PEX5L: variants seen among roughly 807,000 people sequenced by gnomAD.
PEX5L encodes PEX5-related protein.
In PEX5L, 30 loss-of-function variants were observed where a neutral mutation model predicts 84.0. That is an observed-to-expected ratio of 0.36 (90% CI 0.27 to 0.48). The LOEUF (loss-of-function observed/expected upper bound fraction) is 0.48, where lower values mean the gene tolerates loss of function less well. Ranked by LOEUF, PEX5L falls within the 20% of genes least tolerant of loss-of-function variation. The pLI is 0.99. For synonymous variants in PEX5L, 270 were observed against 283.1 expected (o/e 0.95, Z 0.46); for missense variants, 533 against 754.6 (o/e 0.71, Z 3.44).
intron 1 of PEX5L, among the ~76,000 whole-genome samples, chr3:180,032,468 T>C (rs1791547717): frequency 6.6e-6 from 1 of 152,198 alleles, no homozygotes; most frequent in Non-Finnish European, 1.5e-5. Flanking sequence ...AATGTGTGTA[T>C]GTGTGTGCGT....
At position 179,819,926 on chromosome 3, in the gene PEX5L, A is replaced by G. The variant is rs1727798409; in HGVS notation, c.873T>C (p.Ala291=). The part of the protein sequence containing the change: ...DKMQAEWEEM[A]RRNWISENQE... ...GGTTCTCAGATATCCAGTTCCTCCG[A>G]GCCATTTCTTCCCATTCTGCTTGCA... The change falls in exon 9 of 15, where the codon GCT becomes GCC. Residue 291 remains alanine, a synonymous_variant. Coordinates refer to ENST00000467460, the MANE Select transcript of PEX5L (RefSeq NM_016559.3). 1 of 1,613,964 alleles carries G rather than the reference A, an allele frequency of 6.2e-7. No individual in the cohort carries two copies. Among genetic ancestry groups the G allele is most frequent in the South Asian group, 1.1e-5 (1 of 91,076 alleles).
chr3:179,972,017 T>C (rs1268999634), intron 1 of PEX5L, among the ~76,000 whole-genome samples: 6 of 152,146 alleles, frequency 3.9e-5, no homozygotes, highest in Non-Finnish European at 5.9e-5. Flanking sequence ...TTCTTAAAGA[T>C]TGAAAGTTCA....
intron 1 of PEX5L, among the ~76,000 whole-genome samples, chr3:179,979,811 T>C (rs76607347): frequency 0.03 from 4,551 of 152,320 alleles, 103 homozygotes; most frequent in Non-Finnish European, 0.042. Flanking sequence ...TATTTTTGTA[T>C]GCATTGGCCC....
At position 180,036,825 on chromosome 3, in the gene PEX5L, C is replaced by A; in HGVS notation, c.-226G>T. 4 of 571,708 alleles carry A rather than the reference C, an allele frequency of 7.0e-6. No individual in the cohort carries two copies. The highest frequency in any genetic ancestry group is 1.3e-5 in the Non-Finnish European group (4 of 316,424). The allele number at this position is 571,708 out of a possible 1,614,324, so 35.4% of individuals were successfully genotyped here. On this transcript the variant is annotated 5_prime_UTR_variant, in exon 1 of 15. Transcript: ENST00000467460. ...GGTGCTGAAAGCGGACGCGGGAGAG[C>A]GCGCAGAGAAGGCGAGGAGCCGGGT... is the stretch of plus-strand genomic sequence containing the variant.
chr3:179,869,510 G>T (rs1162922325), intron 7 of PEX5L, among the ~76,000 whole-genome samples: 1 of 152,126 alleles, frequency 6.6e-6, no homozygotes, highest in African/African-American at 2.4e-5. Flanking sequence ...TTAGTGTATT[G>T]TTGGGGCTCA....
chr3:179,864,881 G>A (rs1304334141), intron 7 of PEX5L, among the ~76,000 whole-genome samples: 1 of 152,168 alleles, frequency 6.6e-6, no homozygotes, highest in African/African-American at 2.4e-5. Context: ...AATGACCCAT[G>A]AATGGCAGTA....
chr3:179,807,063 T>A (rs1195301103), intron 14 of PEX5L, among the ~76,000 whole-genome samples: 1 of 152,216 alleles, frequency 6.6e-6, no homozygotes, highest in Non-Finnish European at 1.5e-5. Context: ...AAAGGTCATT[T>A]CTAGGCCCTG....
intron 3 of PEX5L, chr3:179,888,064 T>C: frequency 4.2e-6 from 4 of 956,566 alleles, no homozygotes; most frequent in Middle Eastern, 4.7e-4. Context: ...AATTTCAATA[T>C]ATAGAAAATG....
chr3:179,905,740 A>C (rs961697030), intron 2 of PEX5L, among the ~76,000 whole-genome samples: 7 of 152,102 alleles, frequency 4.6e-5, no homozygotes, highest in Admixed American at 6.5e-5. Flanking sequence ...CTGCAGACTA[A>C]GCTCCTCCTT....
At chr3:179,833,900 T>C (rs1283579207) in intron 8 of PEX5L, among the ~76,000 whole-genome samples, 1 of 152,176 alleles carries the variant, frequency 6.6e-6, no homozygotes, top group East Asian at 1.9e-4. Flanking sequence ...AGTGGTGCAA[T>C]GATGGCTCAC....
At chr3:180,009,610 G>T (rs1316707197) in intron 1 of PEX5L, among the ~76,000 whole-genome samples, 3 of 151,744 alleles carry the variant, frequency 2.0e-5, no homozygotes, top group Non-Finnish European at 2.9e-5. Flanking sequence ...AGGTGACAGG[G>T]TCTCACTATG....
chr3:179,807,938 G>A, intron 13 of PEX5L, 107 bp from the exon 14 acceptor site: 1 of 997,120 alleles, frequency 1.0e-6, no homozygotes. Flanking sequence ...TTTATGCAGT[G>A]CTCATGGATG....
intron 1 of PEX5L, among the ~76,000 whole-genome samples, chr3:180,019,131 G>T (rs1413490298): frequency 1.3e-5 from 2 of 152,108 alleles, no homozygotes; most frequent in Non-Finnish European, 2.9e-5. Flanking sequence ...GCTCAGTAGG[G>T]TAATGTCTTG....
At chr3:179,903,694 G>A (rs990941108) in intron 2 of PEX5L, among the ~76,000 whole-genome samples, 5 of 152,150 alleles carry the variant, frequency 3.3e-5, no homozygotes, top group African/African-American at 9.7e-5. Flanking sequence ...AGTTAGTGTC[G>A]TAAGTGTCAT....
chr3:179,874,907 G>T (rs1751817842), intron 6 of PEX5L, among the ~76,000 whole-genome samples: 1 of 151,284 alleles, frequency 6.6e-6, no homozygotes, highest in Admixed American at 6.6e-5. Context: ...CAAAAATATG[G>T]TACAACTCAG....
rs146412250 is a variant in PEX5L at position 179,941,139 on chromosome 3, T to C, written c.93+30455A>G. Among the ~76,000 whole-genome samples, 385 of 152,352 alleles carry C rather than the reference T, an allele frequency of 2.5e-3. 1 individual carries two copies. The highest frequency in any genetic ancestry group is 4.5e-3 in the Non-Finnish European group (308 of 68,028). ...AGGGTGGGGCACAAGATTAGAGCCA[T>C]TTATTGTGCGCCAAGCTCTACTGTA... is the stretch of plus-strand genomic sequence containing the variant. On this transcript the variant is annotated intron_variant, in intron 2 of 14. Transcript: ENST00000467460.
At chr3:179,963,474 G>A (rs1030230218) in intron 2 of PEX5L, among the ~76,000 whole-genome samples, 10 of 152,024 alleles carry the variant, frequency 6.6e-5, no homozygotes, top group Non-Finnish European at 1.0e-4. Flanking sequence ...CAACAACTAG[G>A]TTAGGTTAAT....
intron 8 of PEX5L, among the ~76,000 whole-genome samples, chr3:179,822,178 G>A (rs181018177): frequency 1.3e-5 from 2 of 152,118 alleles, no homozygotes; most frequent in African/African-American, 2.4e-5. Flanking sequence ...ACTCCCATTG[G>A]GTGATACGAG....
In PEX5L at chr3:179,801,720, C is replaced by A; in HGVS notation, c.*108G>T. On this transcript the variant is annotated 3_prime_UTR_variant, in exon 15 of 15. Coordinates refer to ENST00000467460, the MANE Select transcript of PEX5L (RefSeq NM_016559.3). ...ATTTCCTTGGGCTATATGACCATGG[C>A]CTTTTGAATATTTGATTTATCCTTT... The A allele has an allele frequency of 1.2e-6, 1 of 807,744 alleles. No individual in the cohort carries two copies. The highest frequency in any genetic ancestry group is 2.1e-6 in the Non-Finnish European group (1 of 473,604). 50.0% of individuals were successfully genotyped at this position (807,744 alleles called of 1,614,324 possible).
Sources: gnomAD v4.1 joint callset for allele counts (sites outside exome capture counted in the v4.1 genomes callset) on GRCh38, gnomAD v4.1.1 for gene constraint, MANE v1.5 for transcripts, NCBI Gene and HGNC (gene_info 2026-07-23, HGNC 2026-07-21) for gene names.